Variants in ACOT7 observed in about 807,000 individuals in gnomAD.
ACOT7 encodes the protein acyl-CoA thioesterase 7.
ACOT7 carries 12 observed loss-of-function variants against 40.2 expected under a neutral mutation model. The observed-to-expected ratio is 0.30, with a 90% CI of 0.19 to 0.48. The LOEUF (loss-of-function observed/expected upper bound fraction) is 0.48. Ranked by LOEUF, ACOT7 falls within the 20% of genes least tolerant of loss-of-function variation. The probability of loss-of-function intolerance (pLI) is 0.99; values close to 1 mark genes in which losing one functional copy is unlikely to be tolerated. For missense variants in ACOT7, 395 were observed against 530.8 expected, an observed-to-expected ratio of 0.74 and a Z score of 2.51; for synonymous variants, 228 against 219.5, an observed-to-expected ratio of 1.04 and a Z score of -0.34.
chr1:6,392,374 A>G (rs1642546154), intron 1 of ACOT7, among the ~76,000 whole-genome samples: 1 of 152,178 alleles, frequency 6.6e-6, no homozygotes, highest in South Asian at 2.1e-4. Flanking sequence ...CCTTGTCCTC[A>G]CTTAGCTCAT....
intron 8 of ACOT7, among the ~76,000 whole-genome samples, chr1:6,280,515 G>A (rs1416391487): frequency 3.3e-5 from 5 of 152,220 alleles, no homozygotes; most frequent in East Asian, 1.9e-4. Context: ...AGTGCGTGTG[G>A]CCTGCACACG....
chr1:6,374,367 C>G (rs538218185), intron 1 of ACOT7, among the ~76,000 whole-genome samples: 1 of 152,362 alleles, frequency 6.6e-6, no homozygotes, highest in Non-Finnish European at 1.5e-5. Flanking sequence ...GGCAGACCAG[C>G]AGGCCCTAAG....
At chr1:6,305,225 C>T (rs1179960986) in intron 6 of ACOT7, among the ~76,000 whole-genome samples, 32 of 146,746 alleles carry the variant, frequency 2.2e-4, no homozygotes, top group South Asian at 6.5e-4. Context: ...CCTTCCCGGA[C>T]GGGGCGGCGG....
chr1:6,354,067 T>C (rs1352799610), intron 1 of ACOT7, among the ~76,000 whole-genome samples: 1 of 152,152 alleles, frequency 6.6e-6, no homozygotes, highest in Non-Finnish European at 1.5e-5. Flanking sequence ...ATCAGAACCA[T>C]GTCTGTCCAG....
intron 6 of ACOT7, among the ~76,000 whole-genome samples, chr1:6,305,298 G>A (rs1235848134): frequency 1.6e-5 from 2 of 122,584 alleles, no homozygotes; most frequent in African/African-American, 5.7e-5. Context: ...GGGCAGAGGG[G>A]CTCCTCACTT....
chr1:6,316,615 G>A (rs993986859), intron 6 of ACOT7, among the ~76,000 whole-genome samples: 10 of 152,236 alleles, frequency 6.6e-5, no homozygotes, highest in African/African-American at 2.4e-4. Flanking sequence ...TTTGAGACCA[G>A]CCTGGCCAAC....
chr1:6,353,402 C>CA (rs1641650520), intron 1 of ACOT7, among the ~76,000 whole-genome samples: 1 of 151,966 alleles, frequency 6.6e-6, no homozygotes, highest in African/African-American at 2.4e-5. Flanking sequence ...GAGGCCGAGG[C>CA]GGGGGCGGAT....
chr1:6,389,036 G>T (rs1354443400), intron 1 of ACOT7, among the ~76,000 whole-genome samples: 2 of 147,632 alleles, frequency 1.4e-5, no homozygotes, highest in African/African-American at 5.0e-5. Context: ...GTGAGACTCC[G>T]TCTCAAGAAA....
Position 6,275,344 on chromosome 1 carries a change from G to A in ACOT7, c.1014+5758C>T, listed in dbSNP as rs369183805. ...CAGGGCCTCTTCTAGGTCGGGGCAC[G>A]TCAGAGCGGACAAAGCTCAACAGGG... is the stretch of plus-strand genomic sequence containing the variant. On this transcript the variant is annotated intron_variant, in intron 8 of 8. Coordinates refer to ENST00000361521, the MANE Select transcript of ACOT7 (RefSeq NM_007274.4). The surrounding 1 kb of genome is among the most constrained non-coding windows in gnomAD (Gnocchi z 5.6). Among the ~76,000 whole-genome samples the A allele has an allele frequency of 5.3e-5, 8 of 152,206 alleles. No homozygotes were observed. Among genetic ancestry groups the A allele is most frequent in the African/African-American group, 1.4e-4 (6 of 41,452 alleles).
chr1:6,391,799 C>G (rs1642537547), intron 1 of ACOT7, among the ~76,000 whole-genome samples: 1 of 152,192 alleles, frequency 6.6e-6, no homozygotes, highest in Non-Finnish European at 1.5e-5. Flanking sequence ...TACCGACCAT[C>G]AACCTCCCAG....
chr1:6,346,274 G>C (rs554724173), intron 2 of ACOT7, among the ~76,000 whole-genome samples: 1 of 152,282 alleles, frequency 6.6e-6, no homozygotes, highest in African/African-American at 2.4e-5. Flanking sequence ...GCTAATTTTT[G>C]TAGTTTTTGT....
At chr1:6,351,040 G>T (rs865964633) in intron 1 of ACOT7, among the ~76,000 whole-genome samples, 50 of 152,222 alleles carry the variant, frequency 3.3e-4, no homozygotes, top group African/African-American at 1.1e-3. Context: ...TTAACTAGGA[G>T]AATTTTTCCC....
rs149934567 is a variant in ACOT7, at chr1:6,275,525, T to A, written c.1014+5577A>T. Among the ~76,000 whole-genome samples the A allele has an allele frequency of 3.2e-4, 49 of 152,116 alleles. No homozygotes were observed. The East Asian group carries it at 5.0e-3, about 16-fold the overall frequency. ...AGGCAGGTGGATCACGAGACCAGCCTGGCCAACATGGTGAAACCCCATTTC... is the reference window on the plus strand; with the variant it reads ...AGGCAGGTGGATCACGAGACCAGCCAGGCCAACATGGTGAAACCCCATTTC... On this transcript the variant is annotated intron_variant, in intron 8 of 8. Transcript: ENST00000361521. The surrounding 1 kb of genome is among the most constrained non-coding windows in gnomAD (Gnocchi z 5.6).
chr1:6,318,409 GTGTCAGACAGCAGCACGGC>G lies in ACOT7; in HGVS notation c.712+64_712+82del. ...TTCACCAAACACAAGAGCCTCAAGTGTGTCAGACAGCAGCACGGCTGCCAGAGAAGCAACAATGAGCCAA... is the reference window on the plus strand; with the variant it reads ...TTCACCAAACACAAGAGCCTCAAGTGTGCCAGAGAAGCAACAATGAGCCAA... On this transcript the variant is annotated intron_variant, in intron 6 of 8. Transcript: ENST00000361521. The G allele has an allele frequency of 2.8e-6, 4 of 1,430,614 alleles. No individual in the cohort carries two copies. The South Asian group carries it at 4.8e-5, about 17-fold the overall frequency. The allele number at this position is 1,430,614 out of a possible 1,614,324, so 88.6% of individuals were successfully genotyped here.
At chr1:6,315,707 C>T (rs1387445740) in intron 6 of ACOT7, among the ~76,000 whole-genome samples, 13 of 139,636 alleles carry the variant, frequency 9.3e-5, no homozygotes, top group African/African-American at 3.6e-4. Flanking sequence ...GCCGAGATCA[C>T]GCCACTACAC....
intron 1 of ACOT7, among the ~76,000 whole-genome samples, chr1:6,380,201 C>T (rs1642308416): frequency 6.6e-6 from 1 of 151,784 alleles, no homozygotes; most frequent in Admixed American, 6.6e-5. Context: ...ATAATCAAAA[C>T]AGTATGGCAT....
chr1:6,306,876 A>G lies in ACOT7; in HGVS notation c.712+11616T>C. On this transcript the variant is annotated intron_variant, in intron 6 of 8. Coordinates refer to ENST00000361521, the MANE Select transcript of ACOT7 (RefSeq NM_007274.4). This position sits in a 1 kb window ranked among gnomAD's most constrained non-coding sequence, Gnocchi z 4.3. ...CTTTTGCATTTTTCAGTGAAAGTCAACTCCTCCTGCAGGTGCAAAAGATTG... is the reference window on the plus strand; with the variant it reads ...CTTTTGCATTTTTCAGTGAAAGTCAGCTCCTCCTGCAGGTGCAAAAGATTG... 1 of 1,288,718 alleles carries G rather than the reference A, an allele frequency of 7.8e-7. No individual in the cohort carries two copies. The highest frequency in any genetic ancestry group is 1.2e-5 in the South Asian group (1 of 80,976). 79.8% of individuals were successfully genotyped at this position (1,288,718 alleles called of 1,614,324 possible).
At chr1:6,279,027 C>T (rs527910580) in intron 8 of ACOT7, among the ~76,000 whole-genome samples, 52 of 152,334 alleles carry the variant, frequency 3.4e-4, no homozygotes, top group African/African-American at 1.2e-3. Flanking sequence ...GGACAGACAG[C>T]AGCCACGCTG....
intron 4 of ACOT7, among the ~76,000 whole-genome samples, chr1:6,327,723 C>T (rs1640844143): frequency 6.6e-6 from 1 of 152,098 alleles, no homozygotes; most frequent in East Asian, 1.9e-4. Context: ...ATCTATTTAA[C>T]GTAATTTTTG....
Sources: gnomAD v4.1 joint callset for allele counts (sites outside exome capture counted in the v4.1 genomes callset) on GRCh38, gnomAD v4.1.1 for gene constraint, Gnocchi (gnomAD v3.1) non-coding constraint, MANE v1.5 for transcripts, NCBI Gene and HGNC (gene_info 2026-07-23, HGNC 2026-07-21) for gene names.